The following CPA6 variants were observed in gnomAD, a reference collection of about 807,000 sequenced individuals.
The protein encoded by CPA6 is carboxypeptidase B.
In CPA6, 58 loss-of-function variants were observed where a neutral mutation model predicts 63.3. The observed-to-expected ratio is 0.92, with a 90% confidence interval of 0.74 to 1.14. The LOEUF is 1.14. CPA6 is among the 50% of genes most tolerant of loss of function. The probability of loss-of-function intolerance (pLI) is 0.00; values close to 1 mark genes in which losing one functional copy is unlikely to be tolerated. For synonymous variants in CPA6, 185 were observed against 179.0 expected (o/e 1.03, Z -0.27); for missense variants, 565 against 526.6 (o/e 1.07, Z -0.71).
At chr8:67,487,928 A>C (rs1484265056) in intron 6 of CPA6, among the ~76,000 whole-genome samples, 1 of 152,082 alleles carries the variant, frequency 6.6e-6, no homozygotes, top group Non-Finnish European at 1.5e-5. Context: ...AAATCTGTTT[A>C]AGTTCTTTGT....
At chr8:67,734,505 C>T (rs1817777671) in intron 1 of CPA6, among the ~76,000 whole-genome samples, 1 of 151,980 alleles carries the variant, frequency 6.6e-6, no homozygotes, top group African/African-American at 2.4e-5. Context: ...AAATGACTTA[C>T]ATTTTCCTCT....
At chr8:67,649,966 A>G (rs1410833591) in intron 1 of CPA6, among the ~76,000 whole-genome samples, 1 of 152,182 alleles carries the variant, frequency 6.6e-6, no homozygotes, top group Non-Finnish European at 1.5e-5. Flanking sequence ...AGTAAAGTCT[A>G]AAGAGTGAGG....
chr8:67,663,132 T>C (rs1264203085), intron 1 of CPA6, among the ~76,000 whole-genome samples: 1 of 152,104 alleles, frequency 6.6e-6, no homozygotes, highest in Non-Finnish European at 1.5e-5. Context: ...AAATAAAAAC[T>C]AAATGTATGC....
chr8:67,625,635 G>A (rs1815178244), intron 1 of CPA6, among the ~76,000 whole-genome samples: 2 of 152,128 alleles, frequency 1.3e-5, no homozygotes, highest in South Asian at 4.1e-4. Context: ...GCTTCCAGAT[G>A]AAATATAAAG....
chr8:67,454,846 C>T (rs1810634816), intron 8 of CPA6, among the ~76,000 whole-genome samples: 2 of 152,128 alleles, frequency 1.3e-5, no homozygotes, highest in Non-Finnish European at 2.9e-5. Context: ...ACAAGGACCT[C>T]ATAAATCTAG....
Position 67,713,340 on chromosome 8 carries a change from T to C in CPA6, c.116+32674A>G, listed in dbSNP as rs139272850. ...ACAAACAAGTGAAACTGTGGATAAG[T>C]GGGGGTGACTACCATACCTGGAGTT... On this transcript the variant is annotated intron_variant, in intron 1 of 10. Coordinates refer to ENST00000297770, the MANE Select transcript of CPA6 (RefSeq NM_020361.5). 1.3e-4 allele frequency among the ~76,000 whole-genome samples: 19 copies of C among 151,444 alleles called. No individual in the cohort carries two copies. In the East Asian group the frequency reaches 3.1e-3, roughly 25 times the overall value.
At chr8:67,681,806 A>G (rs1276773729) in intron 1 of CPA6, among the ~76,000 whole-genome samples, 2 of 152,248 alleles carry the variant, frequency 1.3e-5, no homozygotes, top group East Asian at 3.9e-4. Context: ...CTACAACTTT[A>G]TAAACAGTCT....
intron 1 of CPA6, among the ~76,000 whole-genome samples, chr8:67,639,625 C>A (rs1346761015): frequency 1.3e-5 from 2 of 151,618 alleles, no homozygotes; most frequent in Non-Finnish European, 2.9e-5. Flanking sequence ...GGTATCACAG[C>A]CCTGGCTTGG....
chr8:67,713,097 GTGTATATATA>G (rs1287638648), intron 1 of CPA6, among the ~76,000 whole-genome samples: 7 of 60,246 alleles, frequency 1.2e-4, no homozygotes, highest in African/African-American at 2.4e-4. Flanking sequence ...GTGTGTGTGT[GTGTATATATA>G]TATATATATA....
chr8:67,687,685 C>T (rs932603650), intron 1 of CPA6, among the ~76,000 whole-genome samples: 2 of 152,008 alleles, frequency 1.3e-5, no homozygotes, highest in African/African-American at 4.8e-5. Flanking sequence ...TCGGGGTCAG[C>T]GATTCAGTTT....
At chr8:67,463,083 C>A (rs1017800210) in intron 8 of CPA6, among the ~76,000 whole-genome samples, 5 of 152,130 alleles carry the variant, frequency 3.3e-5, no homozygotes, top group Non-Finnish European at 5.9e-5. Context: ...ATTTGGCTAA[C>A]CACTTGTAGG....
At chr8:67,619,391 A>G (rs1248604085) in intron 2 of CPA6, among the ~76,000 whole-genome samples, 1 of 152,194 alleles carries the variant, frequency 6.6e-6, no homozygotes, top group East Asian at 1.9e-4. Flanking sequence ...AAGTCCCGAC[A>G]TGGCTGGCTA....
intron 1 of CPA6, among the ~76,000 whole-genome samples, chr8:67,710,893 A>G (rs2129000285): frequency 6.6e-6 from 1 of 152,342 alleles, no homozygotes; most frequent in Admixed American, 6.5e-5. Context: ...TCACATATAA[A>G]TCATAAGATA....
At position 67,434,165 on chromosome 8, in the gene CPA6, G is replaced by A; in HGVS notation, c.914C>T (p.Ala305Val). 5 of 1,614,108 alleles carry A rather than the reference G, an allele frequency of 3.1e-6. No individual in the cohort carries two copies. Among genetic ancestry groups the A allele is most frequent in the Non-Finnish European group, 3.4e-6 (4 of 1,179,968 alleles). ...PFPESEPEVK[A>V]VANFLRKHRK... is the part of the protein sequence containing the mutation. ...GTGTTTTCGAAGGAAGTTAGCTACA[G>A]CCTTCACTTCCGGCTCAGATTCTGG... is the stretch of plus-strand genomic sequence containing the variant. The change falls in exon 9 of 11, where the codon GCT (alanine) becomes GTT (valine). Residue 305 changes from alanine to valine, a missense_variant. Transcript: ENST00000297770.
chr8:67,709,983 C>T (rs1476509766), intron 1 of CPA6, among the ~76,000 whole-genome samples: 1 of 151,954 alleles, frequency 6.6e-6, no homozygotes, highest in Admixed American at 6.6e-5. Flanking sequence ...CATGGTGGTG[C>T]GTGCCTGTAA....
intron 1 of CPA6, among the ~76,000 whole-genome samples, chr8:67,715,593 G>A (rs1322487831): frequency 6.6e-6 from 1 of 152,188 alleles, no homozygotes; most frequent in Non-Finnish European, 1.5e-5. Flanking sequence ...AAAACACTCG[G>A]TTATTTCCAA....
chr8:67,428,737 C>A (rs1809952650), intron 9 of CPA6, among the ~76,000 whole-genome samples: 1 of 152,176 alleles, frequency 6.6e-6, no homozygotes, highest in Non-Finnish European at 1.5e-5. Context: ...CCCACCTCGG[C>A]CTCCCAAAGT....
intron 2 of CPA6, among the ~76,000 whole-genome samples, chr8:67,594,636 T>C (rs1419774947): frequency 6.6e-6 from 1 of 152,128 alleles, no homozygotes; most frequent in Admixed American, 6.5e-5. Context: ...TATTTCATCT[T>C]CCATCACTGA....
At chr8:67,678,503 G>A (rs1816526717) in intron 1 of CPA6, among the ~76,000 whole-genome samples, 1 of 151,996 alleles carries the variant, frequency 6.6e-6, no homozygotes, top group African/African-American at 2.4e-5. Context: ...ATAACAAAAT[G>A]GCCACTAAAC....
Sources: gnomAD v4.1 joint callset for allele counts (sites outside exome capture counted in the v4.1 genomes callset) on GRCh38, gnomAD v4.1.1 for gene constraint, MANE v1.5 for transcripts, NCBI Gene and HGNC (gene_info 2026-07-23, HGNC 2026-07-21) for gene names.